Variants in TNR observed in about 807,000 individuals in gnomAD.
TNR encodes tenascin-R.
In TNR, 45 loss-of-function variants were observed where a neutral mutation model predicts 150.4. The ratio of observed to expected loss-of-function variants is 0.30; its 90% CI spans 0.24 to 0.38. The LOEUF (loss-of-function observed/expected upper bound fraction) is 0.38, where lower values mean the gene tolerates loss of function less well. TNR is among the 10% of genes least tolerant of loss of function. TNR has a pLI of 1.00. For missense variants in TNR, 1,544 were observed against 1,759.1 expected, an observed-to-expected ratio of 0.88 and a Z score of 2.19; for synonymous variants, 687 against 678.4, an observed-to-expected ratio of 1.01 and a Z score of -0.20.
At chr1:175,336,405 A>T (rs1650254144) in intron 19 of TNR, among the ~76,000 whole-genome samples, 1 of 152,228 alleles carries the variant, frequency 6.6e-6, no homozygotes. Context: ...AGTAGCTGTT[A>T]TGAGCACATC....
intron 1 of TNR, among the ~76,000 whole-genome samples, chr1:175,680,019 C>T (rs958003951): frequency 6.6e-6 from 1 of 152,188 alleles, no homozygotes. Context: ...TACAGCCTGG[C>T]CTTGGCTTTG....
At chr1:175,406,870 C>A (rs1005404854) in intron 2 of TNR, 93 bp from the exon 3 acceptor site, 16 of 919,452 alleles carry the variant, frequency 1.7e-5, no homozygotes, top group South Asian at 1.7e-5. Flanking sequence ...GAGTAGGCAG[C>A]CAGAGATTTT....
chr1:175,478,618 A>G (rs1657650273), intron 2 of TNR, among the ~76,000 whole-genome samples: 1 of 152,084 alleles, frequency 6.6e-6, no homozygotes, highest in African/African-American at 2.4e-5. Context: ...ATTAAAAAAA[A>G]AAAATCCACT....
chr1:175,376,857 A>ATGT (rs200447454), intron 9 of TNR, among the ~76,000 whole-genome samples: 38,547 of 112,022 alleles, frequency 0.34, 6,202 homozygotes, highest in Non-Finnish European at 0.4. Context: ...TATAAATGTA[A>ATGT]TATTATATAT....
chr1:175,586,865 A>T (rs1662597017), intron 1 of TNR, among the ~76,000 whole-genome samples: 2 of 152,202 alleles, frequency 1.3e-5, no homozygotes, highest in South Asian at 4.1e-4. Context: ...CTTCAGGCAA[A>T]GAGACCAAAG....
At chr1:175,618,130 A>G (rs1473737944) in intron 1 of TNR, among the ~76,000 whole-genome samples, 5 of 152,234 alleles carry the variant, frequency 3.3e-5, no homozygotes, top group Admixed American at 6.5e-5. Flanking sequence ...CATTCACCCA[A>G]TTTATATATT....
chr1:175,524,760 A>G (rs778630297), intron 2 of TNR, among the ~76,000 whole-genome samples: 3 of 152,254 alleles, frequency 2.0e-5, no homozygotes, highest in Non-Finnish European at 4.4e-5. Flanking sequence ...ATCCAATGCC[A>G]TTACATTTTG....
chr1:175,386,372 T>C (rs1652930092), intron 7 of TNR, 71 bp from the exon 8 acceptor site: 1 of 1,450,804 alleles, frequency 6.9e-7, no homozygotes, highest in Non-Finnish European at 9.1e-7. Flanking sequence ...GCTCTCTCTT[T>C]TCCTCCTTAT....
intron 2 of TNR, among the ~76,000 whole-genome samples, chr1:175,480,382 AAG>A (rs1449710663): frequency 1.6e-5 from 2 of 126,182 alleles, no homozygotes; most frequent in East Asian, 4.4e-4. Flanking sequence ...GAAAAAAGGA[AAG>A]AGAAGAAAGA....
In TNR at chr1:175,519,805, A is replaced by T. The variant is rs141987009; in HGVS notation, c.-64+8464T>A. On this transcript the variant is annotated intron_variant, in intron 2 of 22. Coordinates refer to ENST00000367674, the MANE Select transcript of TNR (RefSeq NM_003285.3). ...ACATGCTTTCATCATTGCACAAGTG[A>T]TATTTACACCCTAACTTGGAAGTGA... Among the ~76,000 whole-genome samples, 784 of 152,314 alleles carry T rather than the reference A, an allele frequency of 5.1e-3. 8 individuals are homozygous for T. The highest frequency in any genetic ancestry group is 0.017 in the African/African-American group (722 of 41,564).
At chr1:175,685,852 T>C (rs958892685) in intron 1 of TNR, among the ~76,000 whole-genome samples, 3 of 100,084 alleles carry the variant, frequency 3.0e-5, no homozygotes, top group African/African-American at 1.2e-4. Context: ...AACCATTAGC[T>C]GTTTTTTTTT....
chr1:175,315,878 C>G lies in TNR; in HGVS notation c.*7479G>C, dbSNP rs1217549729. On this transcript the variant is annotated 3_prime_UTR_variant, in exon 23 of 23. Transcript: ENST00000367674. ...TGGAAGGAGGAGCCTGTGTGTTAAC[C>G]AAAATAGACTCACATAGATTCTAAA... is the stretch of plus-strand genomic sequence containing the variant. The G allele has an allele frequency of 6.6e-6, 1 of 150,410 alleles. No individual in the cohort carries two copies. Among genetic ancestry groups the G allele is most frequent in the Non-Finnish European group, 1.5e-5 (1 of 67,762 alleles). The allele number at this position is 150,410 out of a possible 1,614,324, so 9.3% of individuals were successfully genotyped here. A position where few individuals can be genotyped will look rare whatever the true frequency, so the allele number is the denominator to read the frequency against.
intron 2 of TNR, among the ~76,000 whole-genome samples, chr1:175,470,335 C>T (rs1456423779): frequency 2.0e-5 from 3 of 151,802 alleles, no homozygotes; most frequent in South Asian, 2.1e-4. Flanking sequence ...TGCAAAGGGC[C>T]GCAGGGGAAG....
At position 175,716,861 on chromosome 1, in the gene TNR, T is replaced by G. The variant is rs550793365; in HGVS notation, c.-165+26365A>C. 7.9e-5 allele frequency among the ~76,000 whole-genome samples: 12 copies of G among 152,332 alleles called. 1 individual carries two copies. Among genetic ancestry groups the G allele is most frequent in the African/African-American group, 2.9e-4 (12 of 41,570 alleles). On this transcript the variant is annotated intron_variant, in intron 1 of 22. Transcript: ENST00000367674. ...ACCAACTTCTGTCCACATCGTCCTTTGTCATTTTGCTGTCACCCTTCCTTC... is the reference window on the plus strand; with the variant it reads ...ACCAACTTCTGTCCACATCGTCCTTGGTCATTTTGCTGTCACCCTTCCTTC...
chr1:175,476,662 G>C (rs144430489), intron 2 of TNR, among the ~76,000 whole-genome samples: 1 of 152,142 alleles, frequency 6.6e-6, no homozygotes, highest in Non-Finnish European at 1.5e-5. Context: ...TCTCTTCAGG[G>C]GTGCTGGAAA....
intron 2 of TNR, among the ~76,000 whole-genome samples, chr1:175,463,178 G>A (rs1268887373): frequency 6.6e-6 from 1 of 152,082 alleles, no homozygotes; most frequent in East Asian, 1.9e-4. Flanking sequence ...GTGTCCTGGA[G>A]ACAGCAGGTG....
intron 18 of TNR, among the ~76,000 whole-genome samples, chr1:175,349,426 T>C (rs985069840): frequency 1.3e-5 from 2 of 152,176 alleles, no homozygotes; most frequent in Non-Finnish European, 2.9e-5. Context: ...AAAGACTATA[T>C]AGATGCATGA....
At chr1:175,486,700 C>T (rs756522980) in intron 2 of TNR, among the ~76,000 whole-genome samples, 4 of 152,240 alleles carry the variant, frequency 2.6e-5, no homozygotes, top group Non-Finnish European at 4.4e-5. Flanking sequence ...AATTGCCACA[C>T]TGTCTTCCAC....
chr1:175,383,311 A>C (rs552057772), intron 8 of TNR, among the ~76,000 whole-genome samples: 11 of 152,204 alleles, frequency 7.2e-5, no homozygotes, highest in Non-Finnish European at 7.3e-5. Flanking sequence ...AATAGCAATA[A>C]AGAGAAATCT....
Sources: allele counts gnomAD v4.1 joint callset (sites outside exome capture counted in the v4.1 genomes callset), GRCh38; gene constraint gnomAD v4.1.1; transcripts MANE v1.5; gene names NCBI Gene and HGNC (gene_info 2026-07-23, HGNC 2026-07-21).